NPC1: variants seen among roughly 807,000 people sequenced by gnomAD.
NPC1 encodes the protein Niemann-Pick C1 protein.
In NPC1, 85 loss-of-function variants were observed where a neutral mutation model predicts 140.4. The ratio of observed to expected loss-of-function variants is 0.61; its 90% confidence interval spans 0.51 to 0.72. NPC1 has a LOEUF of 0.72. NPC1 is among the 30% of genes least tolerant of loss of function. The probability of loss-of-function intolerance (pLI) is 0.00; values close to 1 mark genes in which losing one functional copy is unlikely to be tolerated. For synonymous variants in NPC1, 656 were observed against 624.8 expected (o/e 1.05, Z -0.74); for missense variants, 1,504 against 1,623.8 (o/e 0.93, Z 1.27).
chr18:23,574,129 C>A (rs1211488381), intron 1 of NPC1, among the ~76,000 whole-genome samples: 1 of 152,240 alleles, frequency 6.6e-6, no homozygotes, highest in Non-Finnish European at 1.5e-5. Flanking sequence ...GGAAAAACAC[C>A]GAGGCAATCT....
intron 4 of NPC1, among the ~76,000 whole-genome samples, chr18:23,566,788 G>A (rs906910400): frequency 6.6e-6 from 1 of 152,148 alleles, no homozygotes; most frequent in Non-Finnish European, 1.5e-5. Flanking sequence ...CACCATTATA[G>A]TATCATATAG....
Position 23,536,772 on chromosome 18 carries a change from G to A in NPC1, c.3146C>T (p.Ala1049Val), listed in dbSNP as rs2058637067. The change falls in exon 21 of 25, where the codon GCT becomes GTT. Residue 1049 changes from alanine to valine, a missense_variant. Physicochemically the swap from Ala to Val is moderately conservative, Grantham distance 64. Coordinates refer to ENST00000269228, the MANE Select transcript of NPC1 (RefSeq NM_000271.5). ...TTTCTTCAGAGCGTCAATAAAGTCAGCAGAGGTCTGCAGCACGGTGTGGTA... is the reference window on the plus strand; with the variant it reads ...TTTCTTCAGAGCGTCAATAAAGTCAACAGAGGTCTGCAGCACGGTGTGGTA... The part of the protein sequence containing the change: ...MTYHTVLQTS[A>V]DFIDALKKAR... 6.2e-7 allele frequency: 1 copy of A among 1,614,070 alleles called. No individual in the cohort carries two copies. Among genetic ancestry groups the A allele is most frequent in the African/African-American group, 1.3e-5 (1 of 74,924 alleles).
chr18:23,525,351 G>A (rs541207967), downstream of NPC1, among the ~76,000 whole-genome samples: 7 of 152,176 alleles, frequency 4.6e-5, no homozygotes, highest in East Asian at 5.8e-4. Flanking sequence ...GGGCTCAGGC[G>A]ATCCTCCTGC....
intron 1 of NPC1, among the ~76,000 whole-genome samples, chr18:23,575,912 C>A (rs1438560926): frequency 6.6e-6 from 1 of 151,126 alleles, no homozygotes; most frequent in Non-Finnish European, 1.5e-5. Context: ...CACAGTGAAA[C>A]CCTGTCTCTT....
chr18:23,529,799 C>A, downstream of NPC1: 1 of 1,328,374 alleles, frequency 7.5e-7, no homozygotes, highest in Non-Finnish European at 1.1e-6. Context: ...GACTCATATG[C>A]TAAGACAGGT....
rs120074134 is a variant in NPC1 at position 23,556,436 on chromosome 18, A to G, written c.1133T>C (p.Val378Ala). 56 of 1,614,164 alleles carry G rather than the reference A, an allele frequency of 3.5e-5. No homozygotes were observed. Among genetic ancestry groups the G allele is most frequent in the Non-Finnish European group, 4.7e-5 (55 of 1,180,024 alleles). The change falls in exon 8 of 25, where the codon GTT becomes GCT. Residue 378 changes from valine to alanine, a missense_variant. Physicochemically the swap from Val to Ala is moderately conservative, Grantham distance 64. Transcript: ENST00000269228. ...LVFVRVTTNPVDLWSAPSSQA... is the reference protein window; with the variant it reads ...LVFVRVTTNPADLWSAPSSQA... ...GCTGCTGGGGGCTGACCAGAGGTCA[A>G]CTGGATTGGTTGTGACCCGGACAAA... is the stretch of plus-strand genomic sequence containing the variant.
chr18:23,536,115 G>A (rs2058626753), intron 21 of NPC1, among the ~76,000 whole-genome samples: 3 of 152,208 alleles, frequency 2.0e-5, no homozygotes, highest in Admixed American at 6.5e-5. Context: ...AGAGCTAACC[G>A]GCTCTTAACT....
Position 23,538,830 on chromosome 18 carries a change from C to T in NPC1, c.2912-159G>A, listed in dbSNP as rs1371400317. On this transcript the variant is annotated intron_variant, in intron 19 of 24. Coordinates refer to ENST00000269228, the MANE Select transcript of NPC1 (RefSeq NM_000271.5). The stretch of plus-strand genomic sequence containing the variant: ...CTTTCCCCTTATCTAAAAGCTTCAG[C>T]CACATGTCACTTTCACAGTTTAATG... 5 of 739,942 alleles carry T rather than the reference C, an allele frequency of 6.8e-6. No individual in the cohort carries two copies. In the African/African-American group the frequency reaches 8.8e-5, roughly 13 times the overall value. 45.8% of individuals were successfully genotyped at this position (739,942 alleles called of 1,614,324 possible).
downstream of NPC1, among the ~76,000 whole-genome samples, chr18:23,518,601 C>G (rs574768361): frequency 1.3e-5 from 2 of 152,320 alleles, no homozygotes; most frequent in East Asian, 3.9e-4. Flanking sequence ...TAGCATATCA[C>G]TCAAGTATAA....
At chr18:23,554,207 T>C (rs1396924867) in intron 9 of NPC1, among the ~76,000 whole-genome samples, 1 of 152,148 alleles carries the variant, frequency 6.6e-6, no homozygotes, top group Non-Finnish European at 1.5e-5. Context: ...GCTTAAGCAA[T>C]GCACCCCCCA....
Position 23,551,638 on chromosome 18 carries a change from C to T in NPC1, c.1643G>A (p.Gly548Glu). The T allele has an allele frequency of 6.2e-7, 1 of 1,612,952 alleles. No homozygotes were observed. The highest frequency in any genetic ancestry group is 8.5e-7 in the Non-Finnish European group (1 of 1,178,910). The part of the protein sequence containing the change: ...GGPVFPWLVL[G>E]GYDDQNYNNA... ...CTTCTCTTACTTACCATCATAGCCT[C>T]CCAACACAAGCCACGGGAACACTGG... Residue 548 changes from glycine to glutamate, a missense_variant, in exon 10 of 25, where the codon GGA becomes GAA. Gly to Glu is a moderately conservative substitution (Grantham distance 98). Transcript: ENST00000269228.
At chr18:23,544,644 A>G (rs1310931205) in intron 12 of NPC1, 118 bp from the exon 13 acceptor site, 8 of 943,780 alleles carry the variant, frequency 8.5e-6, no homozygotes, top group Non-Finnish European at 1.3e-5. Context: ...TTGAATGTAC[A>G]ATTCTGTGTT....
intron 11 of NPC1, among the ~76,000 whole-genome samples, chr18:23,546,595 C>T (rs1166227890): frequency 1.3e-5 from 2 of 152,102 alleles, no homozygotes; most frequent in Admixed American, 1.3e-4. Context: ...TTCATAATAG[C>T]CAAAATGGAA....
chr18:23,520,430 ATCTG>A (rs1371140547), downstream of NPC1: 2 of 859,632 alleles, frequency 2.3e-6, no homozygotes, highest in Non-Finnish European at 3.6e-6. Context: ...AGATTCCCAG[ATCTG>A]TCTGATTTTG....
downstream of NPC1, chr18:23,530,241 T>C: frequency 6.2e-7 from 1 of 1,614,238 alleles, no homozygotes. Context: ...TTGTCTGCTG[T>C]TATCCCTAGA....
intron 16 of NPC1, among the ~76,000 whole-genome samples, 190 bp from the exon 17 acceptor site, chr18:23,540,727 C>T (rs1431538229): frequency 6.6e-6 from 1 of 152,208 alleles, no homozygotes; most frequent in Non-Finnish European, 1.5e-5. Flanking sequence ...GGTGCAAATC[C>T]TGACTCTGCC....
chr18:23,507,017 A>C (rs781689587), intron 3 of NPC1: 1 of 1,610,412 alleles, frequency 6.2e-7, no homozygotes, highest in Admixed American at 1.7e-5. Flanking sequence ...TCCTTAGAAA[A>C]TAAGATATTG....
chr18:23,544,242 A>C, intron 13 of NPC1, 102 bp downstream of exon 13: 1 of 1,157,182 alleles, frequency 8.6e-7, no homozygotes, highest in Non-Finnish European at 1.3e-6. Flanking sequence ...AAGGAAACAA[A>C]ACACCCTCAC....
In NPC1 at chr18:23,506,771, G is replaced by GT. The variant is rs1271994318; in HGVS notation, c.432-130dup. 2.3e-5 allele frequency: 11 copies of GT among 470,276 alleles called. No individual in the cohort carries two copies. In the Admixed American group the frequency reaches 4.3e-4, roughly 18 times the overall value. The allele number at this position is 470,276 out of a possible 1,614,324, so 29.1% of individuals were successfully genotyped here. On this transcript the variant is annotated intron_variant, in intron 3 of 3. Coordinates refer to the NPC1 transcript ENST00000591107. ...TCAATCACTTGTTACCCATAATACT[G>GT]TAAGTTTCCCAGCAAGTTCTTTCCA...
Sources: gnomAD v4.1 joint callset for allele counts (sites outside exome capture counted in the v4.1 genomes callset) on GRCh38, gnomAD v4.1.1 for gene constraint, MANE v1.5 for transcripts, NCBI Gene and HGNC (gene_info 2026-07-23, HGNC 2026-07-21) for gene names.